Variants in PCDHA6 observed in about 807,000 individuals in gnomAD.
PCDHA6 encodes protocadherin alpha-6.
In PCDHA6, 55 loss-of-function variants were observed where a neutral mutation model predicts 60.3. The observed-to-expected ratio is 0.91, with a 90% confidence interval of 0.73 to 1.14. The LOEUF (loss-of-function observed/expected upper bound fraction) is 1.14. PCDHA6 is among the 50% of genes most tolerant of loss of function. The probability of loss-of-function intolerance (pLI) is 0.00; values close to 1 mark genes in which losing one functional copy is unlikely to be tolerated. For missense variants in PCDHA6, 1,327 were observed against 1,256.5 expected (o/e 1.06, Z -0.85); for synonymous variants, 652 against 557.9 (o/e 1.17, Z -2.38).
At chr5:140,991,648 A>G (rs2097463830) in intron 3 of PCDHA6, among the ~76,000 whole-genome samples, 1 of 152,192 alleles carries the variant, frequency 6.6e-6, no homozygotes, top group Non-Finnish European at 1.5e-5. Context: ...GTTCATGACA[A>G]TTTAGGTTTG....
intron 1 of PCDHA6, among the ~76,000 whole-genome samples, chr5:140,946,629 T>TATATATATATATATATATATATATATAC (rs1367833800): frequency 2.4e-5 from 3 of 123,274 alleles, no homozygotes; most frequent in Non-Finnish European, 3.6e-5. Context: ...TATATATATA[T>TATATATATATATATATATATATATATAC]ATACAATGGA....
At position 140,849,885 on chromosome 5, in the gene PCDHA6, G is replaced by A. The variant is rs2150456327; in HGVS notation, c.2394+19400G>A. On this transcript the variant is annotated intron_variant, in intron 1 of 3. Transcript: ENST00000529310. ...CGCGCAGTCCGAGTACACGGTGTTC[G>A]TGAAGGAGAACAACCCGCCGGGCTG... The A allele has an allele frequency of 1.6e-5, 25 of 1,598,614 alleles. 3 individuals carry two copies. Among genetic ancestry groups the A allele is most frequent in the Non-Finnish European group, 2.0e-5 (23 of 1,167,994 alleles).
chr5:140,957,188 C>A (rs374236292), intron 1 of PCDHA6, among the ~76,000 whole-genome samples: 1 of 151,992 alleles, frequency 6.6e-6, no homozygotes, highest in Middle Eastern at 3.4e-3. Flanking sequence ...TATTGATGAC[C>A]GATTGGGAAT....
intron 3 of PCDHA6, among the ~76,000 whole-genome samples, chr5:141,003,440 T>G (rs1194575812): frequency 6.6e-6 from 1 of 152,100 alleles, no homozygotes; most frequent in Non-Finnish European, 1.5e-5. Flanking sequence ...GCCTCCCAAG[T>G]AGATGAAATT....
chr5:140,952,841 C>T (rs2094805193), intron 1 of PCDHA6, among the ~76,000 whole-genome samples: 1 of 152,102 alleles, frequency 6.6e-6, no homozygotes, highest in South Asian at 2.1e-4. Context: ...TGGCCATCTG[C>T]TTGTCTTCTG....
chr5:140,937,106 C>T (rs2091337574), intron 1 of PCDHA6, among the ~76,000 whole-genome samples: 1 of 149,206 alleles, frequency 6.7e-6, no homozygotes, highest in Admixed American at 6.7e-5. Context: ...GGCGCAGTCT[C>T]GGCTCACTGC....
In PCDHA6 at chr5:140,838,075, ATAGTGTGTGTGTGTGTGT is replaced by A. The variant is rs1389630911; in HGVS notation, c.2394+7591_2394+7608del. ...GTTTTCCACTTTAAGTTATATATAT[ATAGTGTGTGTGTGTGTGT>A]GTGTGTGTGTGTGTGTGTGTGTGTG... On this transcript the variant is annotated intron_variant, in intron 1 of 3. Coordinates refer to ENST00000529310, the MANE Select transcript of PCDHA6 (RefSeq NM_018909.4). Among the ~76,000 whole-genome samples the A allele has an allele frequency of 3.2e-3, 416 of 128,230 alleles. 8 individuals are homozygous for A. The highest frequency in any genetic ancestry group is 9.2e-3 in the African/African-American group (302 of 32,656). The allele number at this position is 128,230 out of a possible 152,430, so 84.1% of individuals were successfully genotyped here.
intron 1 of PCDHA6, among the ~76,000 whole-genome samples, chr5:140,855,119 T>C (rs2043346913): frequency 1.3e-5 from 2 of 149,812 alleles, no homozygotes; most frequent in African/African-American, 4.9e-5. Flanking sequence ...AGGCATTCTA[T>C]AGGTAATAAT....
chr5:140,895,867 A>C (rs1212053221), intron 1 of PCDHA6, among the ~76,000 whole-genome samples: 1 of 152,154 alleles, frequency 6.6e-6, no homozygotes, highest in Non-Finnish European at 1.5e-5. Context: ...GCTGGAGTGC[A>C]ATGGCGCGAT....
chr5:140,839,976 A>G (rs1776500319), intron 1 of PCDHA6, among the ~76,000 whole-genome samples: 1 of 152,102 alleles, frequency 6.6e-6, no homozygotes, highest in African/African-American at 2.4e-5. Flanking sequence ...TATGACTCCT[A>G]TTGGAAAGTG....
At chr5:140,841,796 G>A in intron 1 of PCDHA6, 2 of 1,613,920 alleles carry the variant, frequency 1.2e-6, no homozygotes, top group Non-Finnish European at 8.5e-7. Flanking sequence ...GGGCGCGTCC[G>A]ATGCAGATGT....
At chr5:140,840,317 G>A (rs193301017) in intron 1 of PCDHA6, among the ~76,000 whole-genome samples, 6 of 151,994 alleles carry the variant, frequency 3.9e-5, no homozygotes, top group East Asian at 1.9e-4. Flanking sequence ...AACTTTGGTC[G>A]ACTCATTTTC....
Position 140,967,283 on chromosome 5 carries a change from C to G in PCDHA6, c.2395-11666C>G, listed in dbSNP as rs782468433. The G allele has an allele frequency of 1.7e-5, 27 of 1,613,040 alleles. No homozygotes were observed. The Admixed American group carries it at 3.7e-4, about 22-fold the overall frequency. ...AGCGCGCTTTCACATAGAGAGTGCG[C>G]AGGACCCCGACGTGGGCGCCAACTC... On this transcript the variant is annotated intron_variant, in intron 1 of 3. Transcript: ENST00000529310.
chr5:140,919,847 G>A (rs1309572866), intron 1 of PCDHA6, among the ~76,000 whole-genome samples: 1 of 152,200 alleles, frequency 6.6e-6, no homozygotes, highest in East Asian at 1.9e-4. Flanking sequence ...TTTGGAACCT[G>A]TGACCTCATT....
Position 141,010,175 on chromosome 5 carries a change from A to G in PCDHA6, c.*238A>G. The G allele has an allele frequency of 6.4e-7, 1 of 1,556,224 alleles. No homozygotes were observed. The highest frequency in any genetic ancestry group is 8.7e-7 in the Non-Finnish European group (1 of 1,149,078). On this transcript the variant is annotated 3_prime_UTR_variant, in exon 4 of 4. Coordinates refer to ENST00000529310, the MANE Select transcript of PCDHA6 (RefSeq NM_018909.4). ...TCTGGCTTGTTTTCAGAACCTAAAA[A>G]GCAGACCCAAGTTTCCTTTCTCCTC...
rs543512832 is a variant in PCDHA6 at position 140,899,964 on chromosome 5, T to C, written c.2394+69479T>C. On this transcript the variant is annotated intron_variant, in intron 1 of 3. Coordinates refer to ENST00000529310, the MANE Select transcript of PCDHA6 (RefSeq NM_018909.4). Reference sequence around the variant, plus strand: ...CTGGGACCACAGGCATGTGCTGCCATGCCCAGCTACTTTTTTGATTTTTTT... The same window carrying C: ...CTGGGACCACAGGCATGTGCTGCCACGCCCAGCTACTTTTTTGATTTTTTT... 3.3e-5 allele frequency among the ~76,000 whole-genome samples: 5 copies of C among 151,940 alleles called. No individual in the cohort carries two copies. In the South Asian group the frequency reaches 6.2e-4, roughly 19 times the overall value.
At position 140,928,355 on chromosome 5, in the gene PCDHA6, T is replaced by C. The variant is rs368876306; in HGVS notation, c.2395-50594T>C. On this transcript the variant is annotated intron_variant, in intron 1 of 3. Coordinates refer to ENST00000529310, the MANE Select transcript of PCDHA6 (RefSeq NM_018909.4). ...GTCTCTTATGAGCTGTTGGATGTTA[T>C]CTCTGAAGGGCCATCAGCCTCTAGC... 8.1e-6 allele frequency: 13 copies of C among 1,614,062 alleles called. No individual in the cohort carries two copies. The African/African-American group carries it at 1.6e-4, about 20-fold the overall frequency.
chr5:140,909,380 C>T (rs1247939021), intron 1 of PCDHA6, among the ~76,000 whole-genome samples: 2 of 152,194 alleles, frequency 1.3e-5, no homozygotes, highest in East Asian at 1.9e-4. Context: ...AATGAAACCA[C>T]ATCTAGTACA....
intron 1 of PCDHA6, chr5:140,966,989 G>A: frequency 5.0e-6 from 8 of 1,604,148 alleles, no homozygotes; most frequent in Non-Finnish European, 6.8e-6. Context: ...CTTGGGGCCG[G>A]GTTGCTTGCG....
Sources: gnomAD v4.1 joint callset for allele counts (sites outside exome capture counted in the v4.1 genomes callset) on GRCh38, gnomAD v4.1.1 for gene constraint, MANE v1.5 for transcripts, NCBI Gene and HGNC (gene_info 2026-07-23, HGNC 2026-07-21) for gene names.